The following FXN variants were observed in gnomAD, a reference collection of about 807,000 sequenced individuals.
FXN encodes the protein frataxin, also known as frataxin, mitochondrial.
FXN carries 14 observed loss-of-function variants against 22.4 expected under a neutral mutation model. The observed-to-expected ratio is 0.62, with a 90% CI of 0.41 to 0.98. FXN has a LOEUF of 0.98. Ranked by LOEUF, FXN falls within the 50% of genes least tolerant of loss-of-function variation. The probability of loss-of-function intolerance (pLI) is 0.00; values close to 1 mark genes in which losing one functional copy is unlikely to be tolerated. For missense variants in FXN, 267 were observed against 268.4 expected, an observed-to-expected ratio of 0.99 and a Z score of 0.04; for synonymous variants, 120 against 114.1, an observed-to-expected ratio of 1.05 and a Z score of -0.33.
At chr9:69,040,838 CAT>C (rs1337471873) in intron 1 of FXN, among the ~76,000 whole-genome samples, 1 of 152,066 alleles carries the variant, frequency 6.6e-6, no homozygotes, top group Non-Finnish European at 1.5e-5. Context: ...GGGTGGAGCC[CAT>C]ATGATTGGGA....
rs1256537198 is a variant in FXN, at chr9:69,046,262, T to G, written c.166-123T>G. 5.4e-6 allele frequency: 4 copies of G among 741,982 alleles called. No homozygotes were observed. In the East Asian group the frequency reaches 1.1e-4, roughly 20 times the overall value. The allele number at this position is 741,982 out of a possible 1,614,324, so 46.0% of individuals were successfully genotyped here. A position where few individuals can be genotyped will look rare whatever the true frequency, so the allele number is the denominator to read the frequency against. ...AGAAAAGCAACATATTCCCTTTTTC[T>G]TAGAAAAAATGGAGCACTCGGTTAC... On this transcript the variant is annotated intron_variant, in intron 1 of 4. Transcript: ENST00000484259.
At chr9:69,062,689 C>T (rs1832097323) in intron 3 of FXN, among the ~76,000 whole-genome samples, 1 of 151,688 alleles carries the variant, frequency 6.6e-6, no homozygotes, top group South Asian at 2.1e-4. Context: ...TAGTCAAAAT[C>T]ATAGAAATAG....
chr9:69,036,069 C>A (rs1001431893), intron 1 of FXN, 122 bp downstream of exon 1: 3 of 872,306 alleles, frequency 3.4e-6, no homozygotes, highest in Non-Finnish European at 4.4e-6. Context: ...ACTAGCTCAC[C>A]CCGCTCCTTC....
rs902854618 is a variant in FXN at position 69,046,401 on chromosome 9, G to T, written c.182G>T (p.Gly61Val). Reference protein sequence around the residue: ...TPRRASSNQRGLNQIWNVKKQ... With the variant: ...TPRRASSNQRVLNQIWNVKKQ... ...GGCTTTCAGAGTTCGAACCAACGTGGCCTCAACCAGATTTGGAATGTCAAA... is the reference window on the plus strand; with the variant it reads ...GGCTTTCAGAGTTCGAACCAACGTGTCCTCAACCAGATTTGGAATGTCAAA... Residue 61 changes from glycine (G) to valine (V), a missense_variant, in exon 2 of 5, where the codon GGC becomes GTC. Gly to Val is a moderately radical substitution (Grantham distance 109). Coordinates refer to ENST00000484259, the MANE Select transcript of FXN (RefSeq NM_000144.5). The T allele has an allele frequency of 6.2e-7, 1 of 1,614,036 alleles. No individual in the cohort carries two copies. The highest frequency in any genetic ancestry group is 8.5e-7 in the Non-Finnish European group (1 of 1,179,944).
chr9:69,055,635 A>G (rs1232997036), intron 3 of FXN, among the ~76,000 whole-genome samples: 1 of 151,596 alleles, frequency 6.6e-6, no homozygotes, highest in Non-Finnish European at 1.5e-5. Flanking sequence ...CTGGGATTAC[A>G]GACATGTACC....
At chr9:69,050,204 C>T (rs1202907141) in intron 2 of FXN, among the ~76,000 whole-genome samples, 1 of 152,200 alleles carries the variant, frequency 6.6e-6, no homozygotes, top group Non-Finnish European at 1.5e-5. Context: ...TTGTGAGATT[C>T]ATCCATGCTG....
intron 3 of FXN, among the ~76,000 whole-genome samples, chr9:69,058,245 C>T (rs1831999079): frequency 6.6e-6 from 1 of 152,144 alleles, no homozygotes; most frequent in Non-Finnish European, 1.5e-5. Flanking sequence ...TCACCCCTTA[C>T]TGGCACTGGT....
At chr9:69,064,786 A>G (rs1008389651) in intron 3 of FXN, 152 bp from the exon 4 acceptor site, 5 of 655,154 alleles carry the variant, frequency 7.6e-6, no homozygotes, top group South Asian at 5.0e-5. Flanking sequence ...ACAAACTCCT[A>G]TTTCTAAATA....
intron 1 of FXN, among the ~76,000 whole-genome samples, chr9:69,045,881 C>T (rs1400070096): frequency 6.6e-6 from 1 of 152,152 alleles, no homozygotes; most frequent in Admixed American, 6.5e-5. Flanking sequence ...GCATACTCTA[C>T]AGGACAGTTG....
At position 69,046,481 on chromosome 9, in the gene FXN, G is replaced by T. The variant is rs1340263641; in HGVS notation, c.262G>T (p.Gly88Cys). ...LRKSGTLGHPGSLDETTYERL... is the reference protein window; with the variant it reads ...LRKSGTLGHPCSLDETTYERL... ...GAAATCTGGAACTTTGGGCCACCCA[G>T]GGTAAGATAAAACACCTTCCACGTC... is the stretch of plus-strand genomic sequence containing the variant. The change falls in exon 2 of 5, where the codon GGC becomes TGC. Residue 88 changes from glycine to cysteine, a missense_variant and splice_region_variant. Physicochemically the swap from Gly to Cys is radical, Grantham distance 159. Transcript: ENST00000484259. The T allele has an allele frequency of 6.2e-7, 1 of 1,610,916 alleles. No homozygotes were observed. Among genetic ancestry groups the T allele is most frequent in the Non-Finnish European group, 8.5e-7 (1 of 1,177,478 alleles).
Position 69,067,118 on chromosome 9 carries a change from A to G in FXN, c.482+2083A>G, listed in dbSNP as rs1374254034. ...CTGTGGGAAGTGGCGGCAAGACGGC[A>G]GCTCCCAGCGGGGGATGGAGGCCGA... On this transcript the variant is annotated intron_variant, in intron 4 of 4. Transcript: ENST00000484259. Among the ~76,000 whole-genome samples the G allele has an allele frequency of 4.6e-5, 7 of 152,336 alleles. No individual in the cohort carries two copies. The South Asian group carries it at 1.0e-3, about 23-fold the overall frequency.
At chr9:69,058,022 A>T (rs184983788) in intron 3 of FXN, among the ~76,000 whole-genome samples, 22 of 152,316 alleles carry the variant, frequency 1.4e-4, no homozygotes, top group Non-Finnish European at 3.1e-4. Flanking sequence ...TTTCCAAAAC[A>T]TGCTTTCGTT....
chr9:69,076,502 TG>T lies in FXN; in HGVS notation c.*3741del, dbSNP rs1487192634. 13 of 985,314 alleles carry T rather than the reference TG, an allele frequency of 1.3e-5. No individual in the cohort carries two copies. Among genetic ancestry groups the T allele is most frequent in the Non-Finnish European group, 1.6e-5 (13 of 829,892 alleles). 61.0% of individuals were successfully genotyped at this position (985,314 alleles called of 1,614,324 possible). A position where few individuals can be genotyped will look rare whatever the true frequency, so the allele number is the denominator to read the frequency against. Reference sequence around the variant, plus strand: ...TGCCTTACCATGCTTATATTTTACTTGATCTTTTGCATACCTTCTAAAACTA... The same window carrying T: ...TGCCTTACCATGCTTATATTTTACTTATCTTTTGCATACCTTCTAAAACTA... On this transcript the variant is annotated 3_prime_UTR_variant, in exon 5 of 5. Transcript: ENST00000484259.
chr9:69,071,284 A>T, intron 4 of FXN: 2 of 518,938 alleles, frequency 3.9e-6, no homozygotes, highest in Non-Finnish European at 7.7e-6. Context: ...TTTTATCTCC[A>T]TACTGGGAAC....
chr9:69,045,851 G>C (rs1200232519), intron 1 of FXN, among the ~76,000 whole-genome samples: 2 of 150,092 alleles, frequency 1.3e-5, no homozygotes, highest in Admixed American at 1.3e-4. Context: ...CAAGTGGGGG[G>C]GTCCCTCTGC....
At chr9:69,035,999 C>G in intron 1 of FXN, 52 bp downstream of exon 1, 8 of 1,308,502 alleles carry the variant, frequency 6.1e-6, no homozygotes, top group Non-Finnish European at 7.8e-6. Flanking sequence ...GGGCCGCACG[C>G]CGCACGCCTG....
chr9:69,040,002 A>C (rs1416553561), intron 1 of FXN, among the ~76,000 whole-genome samples: 1 of 152,108 alleles, frequency 6.6e-6, no homozygotes, highest in Non-Finnish European at 1.5e-5. Flanking sequence ...ATAACCCATT[A>C]ATCTATGAAT....
At chr9:69,069,948 G>A (rs1832243943) in intron 4 of FXN, among the ~76,000 whole-genome samples, 1 of 152,118 alleles carries the variant, frequency 6.6e-6, no homozygotes, top group South Asian at 2.1e-4. Flanking sequence ...TGGCCCAGGG[G>A]GCAAGCACGG....
In FXN at chr9:69,076,751, C is replaced by T. The variant is rs141166099; in HGVS notation, c.*3989C>T. The T allele has an allele frequency of 4.1e-6, 4 of 985,322 alleles. No homozygotes were observed. Among genetic ancestry groups the T allele is most frequent in the South Asian group, 4.7e-5 (1 of 21,278 alleles). The allele number at this position is 985,322 out of a possible 1,614,324, so 61.0% of individuals were successfully genotyped here. On this transcript the variant is annotated 3_prime_UTR_variant, in exon 5 of 5. Coordinates refer to ENST00000484259, the MANE Select transcript of FXN (RefSeq NM_000144.5). ...CACTAAGATGAAAGTAATTTTAGTC[C>T]GTGTCCAGTTGGATTCTTGGCACAT... is the stretch of plus-strand genomic sequence containing the variant.
Sources: gnomAD v4.1 joint callset for allele counts (sites outside exome capture counted in the v4.1 genomes callset) on GRCh38, gnomAD v4.1.1 for gene constraint, MANE v1.5 for transcripts, NCBI Gene and HGNC (gene_info 2026-07-23, HGNC 2026-07-21) for gene names.